Variants in HRH1 observed in about 807,000 individuals in gnomAD.
HRH1 encodes histamine receptor H1.
HRH1 carries 6 observed loss-of-function variants against 10.3 expected under a neutral mutation model. That is an observed-to-expected ratio of 0.58 (90% CI 0.32 to 1.15). HRH1 has a LOEUF of 1.15. Among genes scored for constraint, HRH1 ranks in the 50% most tolerant of loss-of-function variants. The pLI is 0.05. For missense variants in HRH1, 514 were observed against 615.3 expected (o/e 0.84, Z 1.74); for synonymous variants, 242 against 236.7 (o/e 1.02, Z -0.21).
In HRH1 at chr3:11,168,876, C is replaced by A. The variant is rs370370363; in HGVS notation, c.-36+14322C>A. 3.5e-4 allele frequency among the ~76,000 whole-genome samples: 53 copies of A among 152,344 alleles called. No homozygotes were observed. The East Asian group carries it at 0.01, about 29-fold the overall frequency. On this transcript the variant is annotated intron_variant, in intron 1 of 1. Coordinates refer to ENST00000431010, the MANE Select transcript of HRH1 (RefSeq NM_001098212.2). ...TGGTTGGAGATGAAGGGAAAGACCC[C>A]TTTGCTGAGCTCCAACCAGGAGCCT...
At chr3:11,203,717 G>T (rs757004917) in intron 1 of HRH1, among the ~76,000 whole-genome samples, 1 of 152,048 alleles carries the variant, frequency 6.6e-6, no homozygotes, top group East Asian at 1.9e-4. Context: ...TCTGTTTATT[G>T]TTTCACCAAT....
chr3:11,155,839 G>A (rs1936776218), intron 1 of HRH1, among the ~76,000 whole-genome samples: 1 of 152,162 alleles, frequency 6.6e-6, no homozygotes, highest in Admixed American at 6.6e-5. Context: ...GAGGGAGGGT[G>A]TACACATGAG....
intron 1 of HRH1, among the ~76,000 whole-genome samples, chr3:11,155,453 C>T (rs1374988650): frequency 6.6e-6 from 1 of 152,218 alleles, no homozygotes; most frequent in East Asian, 1.9e-4. Flanking sequence ...AGTCACGTCT[C>T]CTGCTCTGTT....
At chr3:11,255,862 C>T (rs1262738311) in intron 1 of HRH1, among the ~76,000 whole-genome samples, 2 of 152,224 alleles carry the variant, frequency 1.3e-5, no homozygotes, top group Non-Finnish European at 2.9e-5. Context: ...TTGCCCTAAG[C>T]AGTTCCCAAC....
At chr3:11,186,500 A>G (rs545947737) in intron 1 of HRH1, among the ~76,000 whole-genome samples, 86 of 152,330 alleles carry the variant, frequency 5.6e-4, no homozygotes, top group South Asian at 4.8e-3. Flanking sequence ...GAGGTGAGCT[A>G]ACTAACCCAA....
At chr3:11,201,716 G>T (rs1190547245) in intron 1 of HRH1, among the ~76,000 whole-genome samples, 2 of 152,218 alleles carry the variant, frequency 1.3e-5, no homozygotes, top group African/African-American at 2.4e-5. Flanking sequence ...CCCTCAAGGG[G>T]GACATGCCCA....
intron 1 of HRH1, among the ~76,000 whole-genome samples, chr3:11,166,925 A>G (rs1937049332): frequency 1.3e-3 from 1 of 786 alleles, no homozygotes; most frequent in East Asian, 0.024. Context: ...CAGGCCCGCA[A>G]CATCTCCTTC....
intron 1 of HRH1, among the ~76,000 whole-genome samples, chr3:11,209,145 G>A (rs1367299405): frequency 6.6e-6 from 1 of 152,230 alleles, no homozygotes; most frequent in African/African-American, 2.4e-5. Context: ...AGGCTGGAGT[G>A]CAGTAGTATG....
intron 1 of HRH1, among the ~76,000 whole-genome samples, chr3:11,256,747 C>G (rs190976069): frequency 4.0e-5 from 6 of 151,602 alleles, no homozygotes; most frequent in Non-Finnish European, 8.8e-5. Context: ...TGCAGTGAAC[C>G]GAGATCGCGC....
intron 1 of HRH1, among the ~76,000 whole-genome samples, chr3:11,165,589 C>G (rs1395811682): frequency 6.6e-6 from 1 of 152,166 alleles, no homozygotes; most frequent in Non-Finnish European, 1.5e-5. Flanking sequence ...TTTGAACATT[C>G]AAGGTTTGGA....
intron 1 of HRH1, among the ~76,000 whole-genome samples, chr3:11,144,707 G>C (rs1024439480): frequency 4.0e-5 from 6 of 151,702 alleles, no homozygotes; most frequent in Non-Finnish European, 5.9e-5. Context: ...TAAAGCAAAA[G>C]CAGAAGCAGG....
intron 1 of HRH1, 121 bp from the exon 2 acceptor site, chr3:11,258,882 G>C: frequency 1.6e-6 from 1 of 637,070 alleles, no homozygotes; most frequent in South Asian, 2.2e-5. Flanking sequence ...CTATTGAGTA[G>C]GTAACCAGCA....
chr3:11,170,869 G>T (rs1937138165), intron 1 of HRH1, among the ~76,000 whole-genome samples: 1 of 152,142 alleles, frequency 6.6e-6, no homozygotes, highest in Non-Finnish European at 1.5e-5. Flanking sequence ...GAAATAGCAT[G>T]GTGTGTGCAG....
intron 1 of HRH1, among the ~76,000 whole-genome samples, chr3:11,184,266 A>G (rs113372952): frequency 0.014 from 2,077 of 152,298 alleles, 44 homozygotes; most frequent in African/African-American, 0.046. Context: ...GTTAATCTTC[A>G]CACAACCTAT....
intron 1 of HRH1, among the ~76,000 whole-genome samples, chr3:11,248,054 A>G (rs923365521): frequency 6.6e-6 from 1 of 152,182 alleles, no homozygotes; most frequent in African/African-American, 2.4e-5. Flanking sequence ...TAAGGAGGTA[A>G]GGCCTTGTAA....
chr3:11,154,450 C>CT, upstream of HRH1: 1 of 370 alleles, frequency 2.7e-3, no homozygotes, highest in South Asian at 3.6e-3. This position sits in a 1 kb window ranked among gnomAD's most constrained non-coding sequence, Gnocchi z 4.4. Flanking sequence ...TCCGGCGCCC[C>CT]GCTCCCCGAG....
At chr3:11,196,977 T>C (rs78331422) in intron 1 of HRH1, among the ~76,000 whole-genome samples, 1 of 130,932 alleles carries the variant, frequency 7.6e-6, no homozygotes, top group Non-Finnish European at 1.6e-5. Context: ...AAAAAAAAAT[T>C]AGCTGGGCAT....
chr3:11,181,994 T>A (rs978600370), intron 1 of HRH1, among the ~76,000 whole-genome samples: 3 of 151,972 alleles, frequency 2.0e-5, no homozygotes, highest in African/African-American at 7.3e-5. Flanking sequence ...CTTTCTTTTA[T>A]GTTTCTGAGG....
intron 1 of HRH1, among the ~76,000 whole-genome samples, chr3:11,140,469 C>T (rs1574965818): frequency 6.6e-6 from 1 of 152,146 alleles, no homozygotes; most frequent in African/African-American, 2.4e-5. Flanking sequence ...ATTCTTTCCA[C>T]TCCAGCTATG....
Sources: gnomAD v4.1 joint callset for allele counts (sites outside exome capture counted in the v4.1 genomes callset) on GRCh38, gnomAD v4.1.1 for gene constraint, Gnocchi (gnomAD v3.1) non-coding constraint, MANE v1.5 for transcripts, NCBI Gene and HGNC (gene_info 2026-07-23, HGNC 2026-07-21) for gene names.